Variants in RNF152 observed in about 807,000 individuals in gnomAD.
The protein encoded by RNF152 is E3 ubiquitin-protein ligase RNF152.
RNF152 carries 11 observed loss-of-function variants against 12.7 expected under a neutral mutation model. The observed-to-expected ratio is 0.86, with a 90% CI of 0.54 to 1.43. The LOEUF (loss-of-function observed/expected upper bound fraction) is 1.43. RNF152 is among the 40% of genes most tolerant of loss of function. RNF152 has a pLI of 0.00. For synonymous variants in RNF152, 113 were observed against 120.3 expected, an observed-to-expected ratio of 0.94 and a Z score of 0.40; for missense variants, 255 against 274.8, an observed-to-expected ratio of 0.93 and a Z score of 0.51.
intron 1 of RNF152, among the ~76,000 whole-genome samples, chr18:61,836,806 T>G (rs553345971): frequency 1.2e-4 from 18 of 152,126 alleles, no homozygotes; most frequent in African/African-American, 3.9e-4. Context: ...AAGGCAGGAA[T>G]AGAAGGGGGA....
At chr18:61,829,947 C>A (rs1355968151) in intron 1 of RNF152, among the ~76,000 whole-genome samples, 1 of 151,776 alleles carries the variant, frequency 6.6e-6, no homozygotes, top group African/African-American at 2.4e-5. Flanking sequence ...CTATTTTAGC[C>A]ATTTGAAAGT....
In RNF152 at chr18:61,808,946, G is replaced by A. The variant is rs142858315; in HGVS notation, c.*6906C>T. 9.8e-5 allele frequency: 15 copies of A among 152,290 alleles called. No individual in the cohort carries two copies. Among genetic ancestry groups the A allele is most frequent in the African/African-American group, 3.4e-4 (14 of 41,558 alleles). The allele number at this position is 152,290 out of a possible 1,614,324, so 9.4% of individuals were successfully genotyped here. A position where few individuals can be genotyped will look rare whatever the true frequency, so the allele number is the denominator to read the frequency against. On this transcript the variant is annotated 3_prime_UTR_variant, in exon 2 of 2. Transcript: ENST00000312828. Reference sequence around the variant, plus strand: ...GGGACTCCTTGGACCCTCATGAGCTGAGCACATTACCCCACATGTCTTCAA... The same window carrying A: ...GGGACTCCTTGGACCCTCATGAGCTAAGCACATTACCCCACATGTCTTCAA...
At chr18:61,868,927 C>T (rs1911859959) in intron 1 of RNF152, among the ~76,000 whole-genome samples, 1 of 152,142 alleles carries the variant, frequency 6.6e-6, no homozygotes, top group Non-Finnish European at 1.5e-5. Context: ...GACTTAAAAT[C>T]AGATGGACAA....
At chr18:61,821,561 T>C (rs1909411819) in intron 1 of RNF152, among the ~76,000 whole-genome samples, 1 of 152,198 alleles carries the variant, frequency 6.6e-6, no homozygotes. Context: ...AAAGTCCATG[T>C]AGACCAGAAA....
chr18:61,862,216 T>C (rs1238245001), intron 1 of RNF152, among the ~76,000 whole-genome samples: 1 of 152,196 alleles, frequency 6.6e-6, no homozygotes, highest in Non-Finnish European at 1.5e-5. Flanking sequence ...CTGCCTCCTA[T>C]GCTTACAGAA....
At chr18:61,862,535 T>C (rs1911534254) in intron 1 of RNF152, among the ~76,000 whole-genome samples, 1 of 151,982 alleles carries the variant, frequency 6.6e-6, no homozygotes, top group Non-Finnish European at 1.5e-5. Context: ...GCTAGTGTCA[T>C]GAAGCTTCGG....
chr18:61,867,537 A>G (rs34429051), intron 1 of RNF152, among the ~76,000 whole-genome samples: 17,629 of 151,966 alleles, frequency 0.12, 1,313 homozygotes, highest in East Asian at 0.4. Context: ...AGCAGGGGCA[A>G]AGAGATATTT....
chr18:61,870,679 G>C (rs1164870349), intron 1 of RNF152, among the ~76,000 whole-genome samples: 3 of 152,092 alleles, frequency 2.0e-5, no homozygotes, highest in Admixed American at 2.0e-4. Flanking sequence ...AAAAAGGATC[G>C]AGGTCCTATT....
At chr18:61,874,523 A>T (rs59783828) in intron 1 of RNF152, among the ~76,000 whole-genome samples, 4,865 of 152,338 alleles carry the variant, frequency 0.032, 269 homozygotes, top group African/African-American at 0.11. Context: ...AAGGAGGCAG[A>T]ACTAGTAAGA....
intron 1 of RNF152, among the ~76,000 whole-genome samples, chr18:61,834,789 G>A (rs1054901423): frequency 5.9e-5 from 9 of 152,128 alleles, no homozygotes; most frequent in Admixed American, 2.6e-4. Flanking sequence ...ATATCTCCTC[G>A]CAGAATGGTA....
chr18:61,820,328 C>CGAGAG (rs1909331560), intron 1 of RNF152, among the ~76,000 whole-genome samples: 1 of 28,100 alleles, frequency 3.6e-5, no homozygotes. Flanking sequence ...GACTCCGTCT[C>CGAGAG]ACCAAAAAAA....
At chr18:61,861,773 G>C (rs1911496692) in intron 1 of RNF152, among the ~76,000 whole-genome samples, 1 of 152,180 alleles carries the variant, frequency 6.6e-6, no homozygotes, top group South Asian at 2.1e-4. Context: ...TGGTGAGAGA[G>C]GAAGCAAGGG....
chr18:61,887,261 G>A (rs542353504), intron 1 of RNF152, among the ~76,000 whole-genome samples: 1 of 152,312 alleles, frequency 6.6e-6, no homozygotes, highest in East Asian at 1.9e-4. Flanking sequence ...TGGCCTAATG[G>A]TCTAAGAGTG....
intron 1 of RNF152, among the ~76,000 whole-genome samples, chr18:61,867,650 C>T (rs554356601): frequency 1.7e-4 from 26 of 152,140 alleles, no homozygotes; most frequent in African/African-American, 6.3e-4. Context: ...CAGGGTGAAC[C>T]GTATGTAAAC....
chr18:61,810,026 A>G lies in RNF152; in HGVS notation c.*5826T>C, dbSNP rs4941060. The G allele has an allele frequency of 6.6e-6, 1 of 152,154 alleles. No homozygotes were observed. Among genetic ancestry groups the G allele is most frequent in the African/African-American group, 2.4e-5 (1 of 41,508 alleles). 9.4% of individuals were successfully genotyped at this position (152,154 alleles called of 1,614,324 possible). A position where few individuals can be genotyped will look rare whatever the true frequency, so the allele number is the denominator to read the frequency against. ...AGAAATTAAATGCCCCACCTGCTTA[A>G]GTTCTTCAATGATTAATGGCTTTCC... On this transcript the variant is annotated 3_prime_UTR_variant, in exon 2 of 2. Coordinates refer to ENST00000312828, the MANE Select transcript of RNF152 (RefSeq NM_173557.3).
chr18:61,859,275 C>G (rs1302613951), intron 1 of RNF152, among the ~76,000 whole-genome samples: 4 of 152,226 alleles, frequency 2.6e-5, no homozygotes, highest in Non-Finnish European at 2.9e-5. Flanking sequence ...CCCTCAGTTT[C>G]AGGCTTAGTT....
intron 1 of RNF152, among the ~76,000 whole-genome samples, chr18:61,885,782 T>C (rs746602204): frequency 8.5e-5 from 13 of 152,092 alleles, no homozygotes; most frequent in Non-Finnish European, 1.6e-4. Flanking sequence ...AAAACAGATG[T>C]ATATCACAAA....
intron 1 of RNF152, among the ~76,000 whole-genome samples, chr18:61,824,877 C>G (rs1418331851): frequency 6.6e-6 from 1 of 152,080 alleles, no homozygotes; most frequent in Non-Finnish European, 1.5e-5. Context: ...CAGGAAAGAG[C>G]TATAAAAGAC....
At chr18:61,878,554 T>C (rs1912317988) in intron 1 of RNF152, among the ~76,000 whole-genome samples, 1 of 152,226 alleles carries the variant, frequency 6.6e-6, no homozygotes, top group South Asian at 2.1e-4. Flanking sequence ...ATTTCTGTCT[T>C]AGTCTGTTTG....
Sources: gnomAD v4.1 joint callset for allele counts (sites outside exome capture counted in the v4.1 genomes callset) on GRCh38, gnomAD v4.1.1 for gene constraint, MANE v1.5 for transcripts, NCBI Gene and HGNC (gene_info 2026-07-23, HGNC 2026-07-21) for gene names.